Variants in CPED1 observed in about 807,000 individuals in gnomAD.
CPED1 encodes cadherin-like and PC-esterase domain-containing protein 1.
A neutral mutation model predicts 128.2 loss-of-function variants in CPED1; 114 were observed. The ratio of observed to expected loss-of-function variants is 0.89; its 90% confidence interval spans 0.76 to 1.04. The LOEUF (loss-of-function observed/expected upper bound fraction) is 1.04, where lower values mean the gene tolerates loss of function less well. CPED1 is among the 50% of genes least tolerant of loss of function. The pLI is 0.00. For synonymous variants in CPED1, 462 were observed against 426.7 expected (o/e 1.08, Z -1.02); for missense variants, 1,211 against 1,207.1 (o/e 1.00, Z -0.05).
intron 7 of CPED1, among the ~76,000 whole-genome samples, chr7:121,117,059 T>C (rs1348245264): frequency 2.3e-5 from 3 of 127,732 alleles, no homozygotes; most frequent in Non-Finnish European, 3.2e-5. Context: ...ATACACACAT[T>C]TTATATATAT....
chr7:121,225,980 T>C (rs13438301), intron 16 of CPED1, among the ~76,000 whole-genome samples: 61,319 of 151,950 alleles, frequency 0.4, 13,316 homozygotes, highest in East Asian at 0.79. Flanking sequence ...CCTACTTCTG[T>C]CAACTCATTA....
intron 3 of CPED1, among the ~76,000 whole-genome samples, chr7:121,021,961 C>A (rs948861328): frequency 6.6e-6 from 1 of 151,762 alleles, no homozygotes; most frequent in Non-Finnish European, 1.5e-5. Flanking sequence ...TTAGCCTTCT[C>A]GACTTATATG....
chr7:121,051,600 C>G (rs1793356918), intron 4 of CPED1: 1 of 330,552 alleles, frequency 3.0e-6, no homozygotes, highest in Non-Finnish European at 5.7e-6. Flanking sequence ...CTTCTATGCC[C>G]TTGCTGTTTT....
chr7:121,085,269 C>T (rs1794393100), intron 5 of CPED1, among the ~76,000 whole-genome samples: 1 of 133,418 alleles, frequency 7.5e-6, no homozygotes, highest in African/African-American at 2.7e-5. Flanking sequence ...CCTGCTTCTC[C>T]TCCTGCTGCT....
chr7:121,227,419 C>CA (rs1411536903), intron 16 of CPED1, among the ~76,000 whole-genome samples: 1 of 152,008 alleles, frequency 6.6e-6, no homozygotes, highest in East Asian at 1.9e-4. Flanking sequence ...GGATTTATAC[C>CA]AAAAACAGCC....
At chr7:121,005,441 C>T (rs1174961523) in intron 2 of CPED1, among the ~76,000 whole-genome samples, 2 of 151,412 alleles carry the variant, frequency 1.3e-5, no homozygotes, top group African/African-American at 2.4e-5. Context: ...GGGTATATAC[C>T]CAGTAATGGG....
intron 22 of CPED1, among the ~76,000 whole-genome samples, chr7:121,278,300 T>G (rs1441411493): frequency 2.6e-5 from 4 of 152,064 alleles, no homozygotes; most frequent in Non-Finnish European, 5.9e-5. Flanking sequence ...GAGGAGCAGG[T>G]TGAGGATTCA....
intron 16 of CPED1, among the ~76,000 whole-genome samples, chr7:121,224,384 T>C (rs1208568090): frequency 1.3e-5 from 2 of 152,212 alleles, no homozygotes; most frequent in South Asian, 2.1e-4. Flanking sequence ...TCCAATTATG[T>C]GGTCAATTTT....
intron 5 of CPED1, among the ~76,000 whole-genome samples, chr7:121,085,800 C>T (rs1034601006): frequency 2.0e-5 from 3 of 152,084 alleles, no homozygotes; most frequent in Non-Finnish European, 4.4e-5. Flanking sequence ...TTTAAAAGAA[C>T]AACAACAAAA....
intron 22 of CPED1, among the ~76,000 whole-genome samples, chr7:121,273,975 GA>G (rs957533246): frequency 2.0e-5 from 3 of 152,104 alleles, no homozygotes; most frequent in African/African-American, 4.8e-5. Context: ...CAGGGCTTTT[GA>G]AAGACAACAT....
chr7:121,212,025 A>G (rs1340218561), intron 16 of CPED1, among the ~76,000 whole-genome samples: 1 of 151,854 alleles, frequency 6.6e-6, no homozygotes, highest in African/African-American at 2.4e-5. Flanking sequence ...AAGGCAGACA[A>G]CCCCTAATTT....
chr7:121,070,237 A>G (rs1793952519), intron 5 of CPED1, among the ~76,000 whole-genome samples: 1 of 150,966 alleles, frequency 6.6e-6, no homozygotes, highest in South Asian at 2.1e-4. Flanking sequence ...TTGACCAATA[A>G]TAGTTATTTA....
chr7:121,212,170 A>G (rs1465389211), intron 16 of CPED1, among the ~76,000 whole-genome samples: 1 of 152,032 alleles, frequency 6.6e-6, no homozygotes, highest in Non-Finnish European at 1.5e-5. Flanking sequence ...AAACTGCTTC[A>G]GAGTTTTGTA....
intron 3 of CPED1, among the ~76,000 whole-genome samples, chr7:121,020,116 T>C (rs1328770072): frequency 6.6e-6 from 1 of 152,070 alleles, no homozygotes; most frequent in Non-Finnish European, 1.5e-5. Context: ...AAACAAATTA[T>C]GTATATTATA....
intron 16 of CPED1, among the ~76,000 whole-genome samples, chr7:121,218,829 CA>C (rs1261666408): frequency 1.3e-5 from 2 of 152,000 alleles, no homozygotes; most frequent in African/African-American, 4.8e-5. Context: ...ATGTTCTAAA[CA>C]TGTATCCCAG....
intron 22 of CPED1, among the ~76,000 whole-genome samples, chr7:121,289,839 G>A (rs149376544): frequency 0.015 from 2,228 of 152,040 alleles, 120 homozygotes; most frequent in Admixed American, 0.11. Context: ...TAAGTTCTGG[G>A]ATACATATGC....
At chr7:121,161,751 A>C (rs1477567575) in intron 16 of CPED1, among the ~76,000 whole-genome samples, 1 of 152,230 alleles carries the variant, frequency 6.6e-6, no homozygotes, top group Non-Finnish European at 1.5e-5. Flanking sequence ...AGTTTTAGTG[A>C]AAATGAGACT....
chr7:121,047,011 G>T lies in CPED1; in HGVS notation c.540+18G>T. ...ATCAAAAGGTAAATACTCTCAAGAT[G>T]TGCACAGATTTTATCAGCCCTACAG... On this transcript the variant is annotated intron_variant, in intron 4 of 22. Coordinates refer to ENST00000310396, the MANE Select transcript of CPED1 (RefSeq NM_024913.5). 1.3e-6 allele frequency: 2 copies of T among 1,495,984 alleles called. No homozygotes were observed. 92.7% of individuals were successfully genotyped at this position (1,495,984 alleles called of 1,614,324 possible).
intron 5 of CPED1, among the ~76,000 whole-genome samples, chr7:121,082,958 T>G (rs1246378296): frequency 6.6e-6 from 1 of 152,178 alleles, no homozygotes; most frequent in Non-Finnish European, 1.5e-5. Context: ...ATAATAATAT[T>G]TATGCATAAG....
Sources: gnomAD v4.1 joint callset for allele counts (sites outside exome capture counted in the v4.1 genomes callset) on GRCh38, gnomAD v4.1.1 for gene constraint, MANE v1.5 for transcripts, NCBI Gene and HGNC (gene_info 2026-07-23, HGNC 2026-07-21) for gene names.